Variants in SEMA6D observed in about 807,000 individuals in gnomAD.
The protein encoded by SEMA6D is semaphorin 6D, also known as semaphorin-6D.
A neutral mutation model predicts 106.6 loss-of-function variants in SEMA6D; 35 were observed. That is an observed-to-expected ratio of 0.33 (90% CI 0.25 to 0.44). The LOEUF (loss-of-function observed/expected upper bound fraction) is 0.44. Among genes scored for constraint, SEMA6D ranks in the 20% least tolerant of loss-of-function variants. The pLI, the probability that SEMA6D is intolerant of heterozygous loss-of-function variation, is 1.00. For missense variants in SEMA6D, 1,185 were observed against 1,345.9 expected, an observed-to-expected ratio of 0.88 and a Z score of 1.87; for synonymous variants, 499 against 487.7, an observed-to-expected ratio of 1.02 and a Z score of -0.31.
intron 1 of SEMA6D, among the ~76,000 whole-genome samples, chr15:47,753,244 TC>T (rs1036881178): frequency 6.6e-6 from 1 of 152,160 alleles, no homozygotes; most frequent in Non-Finnish European, 1.5e-5. Flanking sequence ...ACATAGGATC[TC>T]CATGGAGTTT....
chr15:47,753,663 A>T (rs1409421385), intron 1 of SEMA6D, among the ~76,000 whole-genome samples: 2 of 152,188 alleles, frequency 1.3e-5, no homozygotes, highest in Non-Finnish European at 2.9e-5. Flanking sequence ...CTCCATATGG[A>T]ACCATGGGCT....
chr15:47,338,396 GGAT>G (rs2037660897), intron 1 of SEMA6D, among the ~76,000 whole-genome samples: 1 of 152,020 alleles, frequency 6.6e-6, no homozygotes, highest in African/African-American at 2.4e-5. Context: ...AGATTGAAGG[GGAT>G]AAATGCTTGA....
chr15:47,346,105 A>G (rs1044514467), intron 1 of SEMA6D, among the ~76,000 whole-genome samples: 4 of 152,176 alleles, frequency 2.6e-5, no homozygotes, highest in African/African-American at 9.6e-5. Context: ...TCAGATTTAG[A>G]GTTTCCCAAA....
chr15:47,671,550 C>T (rs985140941), intron 4 of SEMA6D, among the ~76,000 whole-genome samples: 14 of 151,902 alleles, frequency 9.2e-5, no homozygotes, highest in Non-Finnish European at 5.9e-5. Flanking sequence ...GATAATGGAA[C>T]GTATTCGGGG....
chr15:47,570,395 TG>T (rs1231547534), intron 3 of SEMA6D, among the ~76,000 whole-genome samples: 1 of 152,242 alleles, frequency 6.6e-6, no homozygotes, highest in Non-Finnish European at 1.5e-5. Flanking sequence ...TACAATTATA[TG>T]GGGTTTTTGT....
chr15:47,475,858 A>T (rs1057398743), intron 3 of SEMA6D, among the ~76,000 whole-genome samples: 2 of 152,222 alleles, frequency 1.3e-5, no homozygotes, highest in African/African-American at 4.8e-5. Context: ...CTAACAGTCT[A>T]ATAATGCCTC....
intron 3 of SEMA6D, among the ~76,000 whole-genome samples, chr15:47,471,511 A>G (rs1465829107): frequency 2.6e-5 from 4 of 152,168 alleles, no homozygotes; most frequent in Non-Finnish European, 4.4e-5. Context: ...TTCAGCCTTT[A>G]AGTCCTACAC....
chr15:47,248,449 C>T (rs979836073), intron 1 of SEMA6D, among the ~76,000 whole-genome samples: 1 of 152,180 alleles, frequency 6.6e-6, no homozygotes. Context: ...CAATTTACCC[C>T]AAAGTGCCCA....
intron 4 of SEMA6D, among the ~76,000 whole-genome samples, chr15:47,686,147 A>G (rs2078463475): frequency 6.6e-6 from 1 of 152,224 alleles, no homozygotes; most frequent in African/African-American, 2.4e-5. Context: ...GAGGACTTCA[A>G]GTCATTTATT....
intron 3 of SEMA6D, among the ~76,000 whole-genome samples, chr15:47,581,162 C>G (rs1243004031): frequency 1.3e-5 from 2 of 152,102 alleles, no homozygotes; most frequent in African/African-American, 4.8e-5. Context: ...ATATACTGAC[C>G]ACTTAACATA....
At chr15:47,580,480 T>A (rs1277189384) in intron 3 of SEMA6D, among the ~76,000 whole-genome samples, 1 of 152,230 alleles carries the variant, frequency 6.6e-6, no homozygotes, top group African/African-American at 2.4e-5. Context: ...ATGTTTGTGG[T>A]TGTCTTCACA....
At chr15:47,546,239 AC>A (rs1424705248) in intron 3 of SEMA6D, among the ~76,000 whole-genome samples, 1 of 152,186 alleles carries the variant, frequency 6.6e-6, no homozygotes, top group Non-Finnish European at 1.5e-5. Context: ...TCAGAGTGTC[AC>A]CAAAACCAAA....
chr15:47,462,026 C>T (rs1026736782), intron 2 of SEMA6D, among the ~76,000 whole-genome samples: 2 of 152,030 alleles, frequency 1.3e-5, no homozygotes, highest in Admixed American at 1.3e-4. Context: ...ATTCTAGATA[C>T]TGATGTTTTT....
chr15:47,491,011 C>T (rs1306703566), intron 3 of SEMA6D, among the ~76,000 whole-genome samples: 4 of 152,082 alleles, frequency 2.6e-5, no homozygotes, highest in African/African-American at 9.7e-5. Flanking sequence ...GGAATGTAAA[C>T]TGAAGCAATC....
chr15:47,605,975 T>A (rs1596421577), intron 4 of SEMA6D, among the ~76,000 whole-genome samples: 1 of 152,148 alleles, frequency 6.6e-6, no homozygotes, highest in East Asian at 1.9e-4. Flanking sequence ...AGGTTGAGGG[T>A]TGGGGCTGAA....
chr15:47,237,991 A>G (rs2141697973), intron 1 of SEMA6D, among the ~76,000 whole-genome samples: 1 of 152,272 alleles, frequency 6.6e-6, no homozygotes, highest in African/African-American at 2.4e-5. Context: ...GAATTGTGGG[A>G]TGGTACAGTG....
chr15:47,487,377 G>A (rs985703182), intron 3 of SEMA6D, among the ~76,000 whole-genome samples: 5 of 152,052 alleles, frequency 3.3e-5, no homozygotes, highest in Admixed American at 2.0e-4. Flanking sequence ...ATAAAAATTC[G>A]TGTCTTTCCA....
chr15:47,650,729 C>T (rs1433550472), intron 4 of SEMA6D, among the ~76,000 whole-genome samples: 1 of 152,102 alleles, frequency 6.6e-6, no homozygotes, highest in Non-Finnish European at 1.5e-5. Context: ...TTCACGAAAA[C>T]AACAATGCTA....
intron 4 of SEMA6D, among the ~76,000 whole-genome samples, chr15:47,634,032 C>G (rs1014864007): frequency 6.6e-6 from 1 of 151,958 alleles, no homozygotes; most frequent in Non-Finnish European, 1.5e-5. Context: ...TTATCTATAT[C>G]AAGAGAATTT....
Sources: allele counts gnomAD v4.1 joint callset (sites outside exome capture counted in the v4.1 genomes callset), GRCh38; gene constraint gnomAD v4.1.1; transcripts MANE v1.5; gene names NCBI Gene and HGNC (gene_info 2026-07-23, HGNC 2026-07-21).